The following FAAH2 variants were observed in gnomAD, a reference collection of about 807,000 sequenced individuals.
FAAH2 encodes the protein fatty-acid amide hydrolase 2.
A neutral mutation model predicts 36.9 loss-of-function variants in FAAH2; 60 were observed. That is an observed-to-expected ratio of 1.63 (90% confidence interval 1.32 to 2.02). FAAH2 has a LOEUF of 2.02. Ranked by LOEUF, FAAH2 falls within the 30% of genes most tolerant of loss-of-function variation. FAAH2 has a pLI of 0.00. For synonymous variants in FAAH2, 214 were observed against 143.8 expected, an observed-to-expected ratio of 1.49 and a Z score of -3.49; for missense variants, 689 against 397.5, an observed-to-expected ratio of 1.73 and a Z score of -6.23.
intron 5 of FAAH2, among the ~76,000 whole-genome samples, chrX:57,366,278 G>T (rs1042048701): frequency 1.8e-5 from 2 of 111,790 alleles, no homozygotes; most frequent in Non-Finnish European, 3.8e-5. Context: ...AGGTTTAGTT[G>T]ATTGGCATCA....
intron 10 of FAAH2, among the ~76,000 whole-genome samples, chrX:57,485,153 C>A (rs1160274009): frequency 8.9e-6 from 1 of 111,930 alleles, no homozygotes; most frequent in East Asian, 2.8e-4. Context: ...CTGTGAGGCA[C>A]GTGTTACACC....
chrX:57,486,337 G>A (rs141426182), intron 10 of FAAH2, among the ~76,000 whole-genome samples: 57 of 111,512 alleles, frequency 5.1e-4, no homozygotes, highest in African/African-American at 1.9e-3. Context: ...TTGTCATACA[G>A]TCAGTGGGGT....
At chrX:57,440,320 C>A (rs1309222282) in intron 8 of FAAH2, among the ~76,000 whole-genome samples, 1 of 111,188 alleles carries the variant, frequency 9.0e-6, no homozygotes, top group Non-Finnish European at 1.9e-5. Context: ...CCTTCACATC[C>A]CCTGTAGGCT....
At chrX:57,178,243 G>A in the FAAH2 span, among the ~76,000 whole-genome samples, 1 of 112,010 alleles carries the variant, frequency 8.9e-6, no homozygotes, top group African/African-American at 3.2e-5. Context: ...AATGTACTGG[G>A]CACATGGACA....
the FAAH2 span, among the ~76,000 whole-genome samples, chrX:57,237,029 T>C: frequency 8.9e-6 from 1 of 112,004 alleles, no homozygotes; most frequent in African/African-American, 3.2e-5. Flanking sequence ...AAATGATGTT[T>C]GTATGCAGTT....
chrX:57,264,407 T>A, the FAAH2 span, among the ~76,000 whole-genome samples: 1 of 112,587 alleles, frequency 8.9e-6, no homozygotes, highest in Non-Finnish European at 1.9e-5. Context: ...AAGACGCATA[T>A]GCGGCCAACA....
intron 7 of FAAH2, chrX:57,393,504 A>G: frequency 1.0e-6 from 1 of 973,198 alleles, no homozygotes; most frequent in Non-Finnish European, 1.5e-6. Context: ...GCAATGATAG[A>G]GGAATTGCCG....
chrX:57,301,163 G>A (rs913522979), intron 2 of FAAH2, among the ~76,000 whole-genome samples: 2 of 109,013 alleles, frequency 1.8e-5, no homozygotes, highest in African/African-American at 6.7e-5. Context: ...ACATGCACAC[G>A]TATGTTTATT....
chrX:57,328,863 A>C (rs1477417326), intron 3 of FAAH2, among the ~76,000 whole-genome samples: 1 of 111,170 alleles, frequency 9.0e-6, no homozygotes, highest in Non-Finnish European at 1.9e-5. Context: ...GCATGCTCTA[A>C]CTCTGGGGGA....
intron 8 of FAAH2, among the ~76,000 whole-genome samples, chrX:57,435,669 C>A (rs1400434010): frequency 9.0e-6 from 1 of 110,565 alleles, no homozygotes; most frequent in Non-Finnish European, 1.9e-5. Context: ...TATATACACT[C>A]AATACTGGAG....
intron 2 of FAAH2, among the ~76,000 whole-genome samples, chrX:57,299,412 A>G (rs756900639): frequency 1.7e-3 from 193 of 111,919 alleles, no homozygotes; most frequent in Non-Finnish European, 3.2e-3. Context: ...ACAACACTTC[A>G]TGCTAAAAAC....
At chrX:57,488,691 T>G in intron 10 of FAAH2, 66 bp from the exon 11 acceptor site, 1 of 1,066,364 alleles carries the variant, frequency 9.4e-7, no homozygotes, top group Non-Finnish European at 1.3e-6. Flanking sequence ...ATTGGTAAAA[T>G]AATTGAAAAA....
At chrX:57,259,492 C>T in the FAAH2 span, among the ~76,000 whole-genome samples, 18 of 111,870 alleles carry the variant, frequency 1.6e-4, no homozygotes, top group African/African-American at 5.2e-4. Flanking sequence ...ATAGATGAAC[C>T]TGATGGACTT....
chrX:57,367,929 G>T (rs972999829), intron 5 of FAAH2, among the ~76,000 whole-genome samples: 6 of 111,912 alleles, frequency 5.4e-5, no homozygotes, highest in African/African-American at 2.0e-4. Context: ...AGCTGCTGCT[G>T]CACAGTGCTA....
intron 10 of FAAH2, among the ~76,000 whole-genome samples, chrX:57,482,875 C>T (rs935095890): frequency 7.3e-5 from 8 of 109,756 alleles, no homozygotes; most frequent in African/African-American, 2.6e-4. Flanking sequence ...GCAGAGAAGT[C>T]CACTCTTAGC....
chrX:57,322,830 G>C (rs940766776), intron 3 of FAAH2, among the ~76,000 whole-genome samples: 2 of 107,778 alleles, frequency 1.9e-5, no homozygotes, highest in Non-Finnish European at 3.8e-5. Flanking sequence ...GTTTTGTTTT[G>C]TTTTCCTTTT....
chrX:57,364,426 C>T (rs761430789), intron 5 of FAAH2, among the ~76,000 whole-genome samples: 42 of 92,569 alleles, frequency 4.5e-4, no homozygotes, highest in African/African-American at 1.5e-3. Context: ...TCTGCTTGTG[C>T]TTATTTGGAT....
chrX:57,252,922 G>A, the FAAH2 span, among the ~76,000 whole-genome samples: 1 of 112,388 alleles, frequency 8.9e-6, no homozygotes, highest in Admixed American at 9.4e-5. Context: ...AGTTTGACAA[G>A]TTGACAGAAG....
the FAAH2 span, among the ~76,000 whole-genome samples, chrX:57,217,177 A>C: frequency 9.5e-6 from 1 of 105,519 alleles, no homozygotes; most frequent in African/African-American, 3.4e-5. Context: ...TCTGGATATT[A>C]GTCCTTTGTC....
Sources: allele counts gnomAD v4.1 joint callset (sites outside exome capture counted in the v4.1 genomes callset), GRCh38; gene constraint gnomAD v4.1.1; transcripts MANE v1.5; gene names NCBI Gene and HGNC (gene_info 2026-07-23, HGNC 2026-07-21).